Variants in MLIP observed in about 807,000 individuals in gnomAD.
MLIP encodes the protein muscular LMNA interacting protein, also known as muscular LMNA-interacting protein.
A neutral mutation model predicts 84.8 loss-of-function variants in MLIP; 79 were observed. The observed-to-expected ratio is 0.93, with a 90% CI of 0.78 to 1.12. The LOEUF is 1.12. Ranked by LOEUF, MLIP falls within the 50% of genes most tolerant of loss-of-function variation. The probability of loss-of-function intolerance (pLI) is 0.00; values close to 1 mark genes in which losing one functional copy is unlikely to be tolerated. For missense variants in MLIP, 1,257 were observed against 1,160.6 expected (o/e 1.08, Z -1.21); for synonymous variants, 504 against 463.0 (o/e 1.09, Z -1.14).
Position 54,138,080 on chromosome 6 carries a change from G to A in MLIP, c.2011G>A (p.Val671Met). Residue 671 changes from valine to methionine, a missense_variant, in exon 4 of 14, where the codon GTG (valine) becomes ATG (methionine). Transcript: ENST00000502396. ...CCCTCATGCCAATCTGCCCACCCTGGTGCCCCAGCTCAGTCCCTCAGCTCT... is the reference window on the plus strand; with the variant it reads ...CCCTCATGCCAATCTGCCCACCCTGATGCCCCAGCTCAGTCCCTCAGCTCT... ...SLPHANLPTL[V>M]PQLSPSALHP... is the part of the protein sequence containing the mutation. 6.5e-7 allele frequency: 1 copy of A among 1,535,956 alleles called. No individual in the cohort carries two copies. Among genetic ancestry groups the A allele is most frequent in the Non-Finnish European group, 8.7e-7 (1 of 1,146,838 alleles).
intron 12 of MLIP, among the ~76,000 whole-genome samples, chr6:54,232,524 T>C: frequency 6.6e-6 from 1 of 152,254 alleles, no homozygotes; most frequent in East Asian, 1.9e-4. Context: ...ATAATAATAG[T>C]AATAATAATA....
chr6:54,195,096 T>C (rs1778204117), intron 10 of MLIP, among the ~76,000 whole-genome samples: 1 of 152,100 alleles, frequency 6.6e-6, no homozygotes, highest in African/African-American at 2.4e-5. Context: ...ACAAACTTTT[T>C]TGCCATGGAA....
Position 54,031,623 on chromosome 6 carries a change from A to G in MLIP, c.63+12532A>G, listed in dbSNP as rs77430893. On this transcript the variant is annotated intron_variant, in intron 1 of 12. Transcript: ENST00000274897. ...TAAATTTACCTTGATATTCAGCCAC[A>G]TCTGGAGAGCTGGTGGTTTGGCACT... The G allele has an allele frequency of 2.7e-3, 406 of 152,370 alleles. 1 individual carries two copies. The highest frequency in any genetic ancestry group is 4.5e-3 in the Non-Finnish European group (303 of 68,078). 9.4% of individuals were successfully genotyped at this position (152,370 alleles called of 1,614,324 possible).
rs1030684709 is a variant in MLIP, at chr6:54,224,944, G to A, written c.2719-5770G>A. On this transcript the variant is annotated intron_variant, in intron 11 of 13. Coordinates refer to ENST00000502396, the MANE Select transcript of MLIP (RefSeq NM_001281747.2). ...CCTTTTTATGGCTGAGTAGTATTTC[G>A]TTGTCTATAGTGTATATATACCACA... Among the ~76,000 whole-genome samples the A allele has an allele frequency of 7.2e-5, 11 of 152,102 alleles. No individual in the cohort carries two copies. In the South Asian group the frequency reaches 8.3e-4, roughly 11 times the overall value.
At chr6:54,034,083 C>A (rs980383810) in intron 1 of MLIP, among the ~76,000 whole-genome samples, 5 of 152,088 alleles carry the variant, frequency 3.3e-5, no homozygotes, top group Admixed American at 6.5e-5. Context: ...AGCTGTCTTG[C>A]CAAAATTTTG....
chr6:54,164,935 C>G (rs537837133), intron 8 of MLIP, among the ~76,000 whole-genome samples: 10 of 151,840 alleles, frequency 6.6e-5, no homozygotes, highest in South Asian at 6.2e-4. Context: ...GTAAACAAGA[C>G]TTTGTATGGA....
At chr6:54,187,686 G>T (rs1249693764) in intron 9 of MLIP, among the ~76,000 whole-genome samples, 1 of 152,136 alleles carries the variant, frequency 6.6e-6, no homozygotes, top group Non-Finnish European at 1.5e-5. Flanking sequence ...ATAAATGGGA[G>T]AGGATTTCAG....
intron 11 of MLIP, among the ~76,000 whole-genome samples, chr6:54,230,027 G>A (rs557099284): frequency 8.9e-4 from 135 of 152,160 alleles, no homozygotes; most frequent in African/African-American, 3.1e-3. Flanking sequence ...GCCACTCATC[G>A]TTTTTCCATG....
intron 11 of MLIP, among the ~76,000 whole-genome samples, chr6:54,202,535 C>T (rs1778766749): frequency 6.7e-6 from 1 of 149,858 alleles, no homozygotes; most frequent in African/African-American, 2.5e-5. Context: ...ATGTTGCTCT[C>T]TATAAAGACA....
intron 11 of MLIP, among the ~76,000 whole-genome samples, chr6:54,219,793 A>G (rs1243239712): frequency 6.6e-6 from 1 of 152,194 alleles, no homozygotes; most frequent in African/African-American, 2.4e-5. Context: ...ATTCCTTGGA[A>G]AAGTGTCAGG....
At chr6:54,256,990 G>A (rs1783050659) in intron 12 of MLIP, among the ~76,000 whole-genome samples, 1 of 152,116 alleles carries the variant, frequency 6.6e-6, no homozygotes, top group Admixed American at 6.6e-5. Context: ...TATGAAATCT[G>A]TTAGTGCATT....
Position 54,143,102 on chromosome 6 carries a change from G to A in MLIP, c.2217+4816G>A, listed in dbSNP as rs1015263984. On this transcript the variant is annotated intron_variant, in intron 4 of 13. Coordinates refer to ENST00000502396, the MANE Select transcript of MLIP (RefSeq NM_001281747.2). ...GACCAGTTCTGTGTACCACTCCTGT[G>A]CTTCTCTCCAGCTAGCCTCTCTGAA... is the stretch of plus-strand genomic sequence containing the variant. Among the ~76,000 whole-genome samples the A allele has an allele frequency of 3.9e-5, 6 of 152,060 alleles. No homozygotes were observed. In the South Asian group the frequency reaches 6.2e-4, roughly 16 times the overall value.
At chr6:54,155,115 A>G (rs1773880884) in intron 5 of MLIP, among the ~76,000 whole-genome samples, 2 of 152,138 alleles carry the variant, frequency 1.3e-5, no homozygotes, top group African/African-American at 4.8e-5. Flanking sequence ...TAAACCAATC[A>G]TGTAAAAATA....
At chr6:54,217,140 C>G in intron 11 of MLIP, 12 of 985,286 alleles carry the variant, frequency 1.2e-5, no homozygotes, top group Non-Finnish European at 1.4e-5. Flanking sequence ...AGTAATTTTA[C>G]CTATGGTACT....
intron 1 of MLIP, among the ~76,000 whole-genome samples, chr6:54,096,839 G>C (rs1768249329): frequency 1.3e-5 from 2 of 152,100 alleles, no homozygotes; most frequent in African/African-American, 4.8e-5. Context: ...ATTCTATGTG[G>C]GTCATTGATG....
intron 1 of MLIP, among the ~76,000 whole-genome samples, chr6:54,057,082 G>GC (rs1263520007): frequency 6.6e-6 from 1 of 152,144 alleles, no homozygotes; most frequent in Admixed American, 6.5e-5. Context: ...CCTCACAATA[G>GC]CCCAGGTGAC....
intron 1 of MLIP, chr6:54,019,144 T>C: frequency 2.6e-6 from 4 of 1,568,158 alleles, no homozygotes; most frequent in Non-Finnish European, 2.6e-6. Context: ...GACAGGGTAG[T>C]AGAGCAACTG....
At chr6:54,225,165 G>A (rs948204788) in intron 11 of MLIP, among the ~76,000 whole-genome samples, 3 of 152,090 alleles carry the variant, frequency 2.0e-5, no homozygotes, top group Admixed American at 6.6e-5. Context: ...GAATCTCCAC[G>A]CTGTTTTCCA....
intron 1 of MLIP, among the ~76,000 whole-genome samples, chr6:54,045,236 T>A (rs1464889364): frequency 1.3e-5 from 2 of 151,784 alleles, no homozygotes; most frequent in Non-Finnish European, 2.9e-5. Context: ...TAATCCCAGC[T>A]ACTCAGGAGG....
Sources: gnomAD v4.1 joint callset for allele counts (sites outside exome capture counted in the v4.1 genomes callset) on GRCh38, gnomAD v4.1.1 for gene constraint, MANE v1.5 for transcripts, NCBI Gene and HGNC (gene_info 2026-07-23, HGNC 2026-07-21) for gene names.